EFNA5: variants seen among roughly 807,000 people sequenced by gnomAD.
EFNA5 encodes ephrin-A5.
Under a neutral mutation model 22.9 loss-of-function variants are expected in EFNA5, and 5 were observed. The ratio of observed to expected loss-of-function variants is 0.22; its 90% CI spans 0.11 to 0.46. The LOEUF (loss-of-function observed/expected upper bound fraction) is 0.46, where lower values mean the gene tolerates loss of function less well. Ranked by LOEUF, EFNA5 falls within the 20% of genes least tolerant of loss-of-function variation. EFNA5 has a pLI of 0.99. For missense variants in EFNA5, 237 were observed against 293.3 expected (o/e 0.81, Z 1.40); for synonymous variants, 113 against 112.2 (o/e 1.01, Z -0.04).
intron 1 of EFNA5, among the ~76,000 whole-genome samples, chr5:107,660,301 TA>T (rs1750924834): frequency 9.9e-6 from 1 of 101,294 alleles, no homozygotes; most frequent in African/African-American, 3.5e-5. Flanking sequence ...TATATATATA[TA>T]TATATATATA....
chr5:107,652,218 C>A lies in EFNA5; in HGVS notation c.125+18271G>T, dbSNP rs770222155. Reference sequence around the variant, plus strand: ...CCCTCCACCCTGAATAAACTACTTTCTGTTTATTCCCCAAATCCATATACA... The same window carrying A: ...CCCTCCACCCTGAATAAACTACTTTATGTTTATTCCCCAAATCCATATACA... On this transcript the variant is annotated intron_variant, in intron 1 of 4. Coordinates refer to ENST00000333274, the MANE Select transcript of EFNA5 (RefSeq NM_001962.3). 4.1e-4 allele frequency among the ~76,000 whole-genome samples: 63 copies of A among 152,178 alleles called. 1 individual carries two copies. The highest frequency in any genetic ancestry group is 8.2e-4 in the Non-Finnish European group (56 of 68,008).
At chr5:107,606,538 AACACACACACAC>A (rs58031827) in intron 1 of EFNA5, among the ~76,000 whole-genome samples, 1,634 of 144,174 alleles carry the variant, frequency 0.011, 23 homozygotes, top group African/African-American at 0.03. Flanking sequence ...TTGCACGTAC[AACACACACACAC>A]ACACACACAC....
chr5:107,598,952 G>C (rs978556368), intron 1 of EFNA5, among the ~76,000 whole-genome samples: 1 of 152,128 alleles, frequency 6.6e-6, no homozygotes, highest in African/African-American at 2.4e-5. Context: ...GACCAGGACT[G>C]AGTCAAATGA....
At chr5:107,480,287 C>CAGTAT (rs1750424047) in intron 1 of EFNA5, among the ~76,000 whole-genome samples, 1 of 152,158 alleles carries the variant, frequency 6.6e-6, no homozygotes, top group African/African-American at 2.4e-5. Context: ...CACTTTTATC[C>CAGTAT]ACTCAATAGT....
At chr5:107,481,554 A>G (rs1274399443) in intron 1 of EFNA5, among the ~76,000 whole-genome samples, 1 of 152,168 alleles carries the variant, frequency 6.6e-6, no homozygotes, top group Non-Finnish European at 1.5e-5. Context: ...AATGCAGGAA[A>G]AGAAACTGAA....
At chr5:107,438,796 A>G (rs983027138) in intron 1 of EFNA5, among the ~76,000 whole-genome samples, 1 of 152,132 alleles carries the variant, frequency 6.6e-6, no homozygotes. Flanking sequence ...CTCTCCTTCC[A>G]TCCCTGTACT....
At chr5:107,659,375 T>G (rs998443553) in intron 1 of EFNA5, among the ~76,000 whole-genome samples, 1 of 152,114 alleles carries the variant, frequency 6.6e-6, no homozygotes, top group Non-Finnish European at 1.5e-5. Flanking sequence ...AGAACAGGGA[T>G]GGCGTGGATG....
chr5:107,612,783 T>G (rs1749842251), intron 1 of EFNA5, among the ~76,000 whole-genome samples: 1 of 151,978 alleles, frequency 6.6e-6, no homozygotes, highest in African/African-American at 2.4e-5. Context: ...CTTAATGAAC[T>G]GCTGAGAATG....
chr5:107,560,269 T>G (rs1748507138), intron 1 of EFNA5, among the ~76,000 whole-genome samples: 1 of 152,174 alleles, frequency 6.6e-6, no homozygotes, highest in African/African-American at 2.4e-5. Flanking sequence ...GACTATGTTA[T>G]TAAAAGCAAC....
chr5:107,457,945 T>G (rs968451312), intron 1 of EFNA5, among the ~76,000 whole-genome samples: 1 of 152,332 alleles, frequency 6.6e-6, no homozygotes, highest in East Asian at 1.9e-4. Flanking sequence ...ATTTTGCAGA[T>G]GTAGTAACAG....
rs556964024 is a variant in EFNA5, at chr5:107,538,906, A to G, written c.126-111397T>C. On this transcript the variant is annotated intron_variant, in intron 1 of 4. Coordinates refer to ENST00000333274, the MANE Select transcript of EFNA5 (RefSeq NM_001962.3). The stretch of plus-strand genomic sequence containing the variant: ...GGCATTCAGCTTTTCTCTTTTGTCA[A>G]GGCTGCCTTGCTTTGATATGGTTTC... Among the ~76,000 whole-genome samples, 7 of 152,288 alleles carry G rather than the reference A, an allele frequency of 4.6e-5. No homozygotes were observed. In the South Asian group the frequency reaches 1.5e-3, roughly 32 times the overall value.
In EFNA5 at chr5:107,562,334, C is replaced by T. The variant is rs546151805; in HGVS notation, c.125+108155G>A. ...TTCTACCTAGCTCTTTCCTCCCCTC[C>T]GCCCATCGTCTGTCTCTCTCTCCAT... On this transcript the variant is annotated intron_variant, in intron 1 of 4. Transcript: ENST00000333274. 7.2e-5 allele frequency among the ~76,000 whole-genome samples: 11 copies of T among 152,084 alleles called. 1 individual carries two copies. Among genetic ancestry groups the T allele is most frequent in the South Asian group, 2.1e-4 (1 of 4,810 alleles).
intron 4 of EFNA5, among the ~76,000 whole-genome samples, chr5:107,386,616 C>T (rs558583991): frequency 4.6e-5 from 7 of 152,234 alleles, no homozygotes; most frequent in South Asian, 2.1e-4. Context: ...TTTGGCTCAA[C>T]AGGCTACTGG....
intron 1 of EFNA5, among the ~76,000 whole-genome samples, chr5:107,560,718 C>T (rs144271934): frequency 2.1e-3 from 327 of 152,282 alleles, no homozygotes; most frequent in South Asian, 0.012. Context: ...GACTTGGGCT[C>T]CTCTCCTTGC....
rs1561418314 is a variant in EFNA5, at chr5:107,512,367, C to CA, written c.126-84859dup. On this transcript the variant is annotated intron_variant, in intron 1 of 4. Transcript: ENST00000333274. ...GAGGGGCAAAACAAAACAAACAAAACAACAACAACAACAACAACAACAAAA... is the reference window on the plus strand; with the variant it reads ...GAGGGGCAAAACAAAACAAACAAAACAAACAACAACAACAACAACAACAAAA... Among the ~76,000 whole-genome samples, 10 of 27,944 alleles carry CA rather than the reference C, an allele frequency of 3.6e-4. No individual in the cohort carries two copies. The African/African-American group carries it at 5.3e-3, about 15-fold the overall frequency. 18.3% of individuals were successfully genotyped at this position (27,944 alleles called of 152,430 possible). A position where few individuals can be genotyped will look rare whatever the true frequency, so the allele number is the denominator to read the frequency against.
chr5:107,503,305 A>G (rs1049384306), intron 1 of EFNA5, among the ~76,000 whole-genome samples: 3 of 152,230 alleles, frequency 2.0e-5, no homozygotes, highest in African/African-American at 7.2e-5. Flanking sequence ...TGTTTTGCCC[A>G]GTTGCAATGC....
chr5:107,408,985 C>A (rs1412858127), intron 2 of EFNA5, among the ~76,000 whole-genome samples: 1 of 152,218 alleles, frequency 6.6e-6, no homozygotes, highest in African/African-American at 2.4e-5. Flanking sequence ...GTAACACCAA[C>A]TATTGAACCA....
chr5:107,425,943 T>C (rs1748800219), intron 2 of EFNA5, among the ~76,000 whole-genome samples: 1 of 152,186 alleles, frequency 6.6e-6, no homozygotes, highest in Admixed American at 6.6e-5. Context: ...CTAAGCATAC[T>C]GAGTGGTATA....
intron 1 of EFNA5, among the ~76,000 whole-genome samples, chr5:107,453,051 T>C (rs1749601733): frequency 6.6e-6 from 1 of 152,180 alleles, no homozygotes; most frequent in South Asian, 2.1e-4. Flanking sequence ...AATCTCTATT[T>C]GATCTTCTGG....
Sources: gnomAD v4.1 joint callset for allele counts (sites outside exome capture counted in the v4.1 genomes callset) on GRCh38, gnomAD v4.1.1 for gene constraint, MANE v1.5 for transcripts, NCBI Gene and HGNC (gene_info 2026-07-23, HGNC 2026-07-21) for gene names.